The following SPOCK3 variants were observed in gnomAD, a reference collection of about 807,000 sequenced individuals.
The protein encoded by SPOCK3 is testican-3.
SPOCK3 carries 30 observed loss-of-function variants against 56.6 expected under a neutral mutation model. That is an observed-to-expected ratio of 0.53 (90% CI 0.40 to 0.72). The LOEUF is 0.72. SPOCK3 is among the 30% of genes least tolerant of loss of function. SPOCK3 has a pLI of 0.00. For synonymous variants in SPOCK3, 196 were observed against 183.3 expected (o/e 1.07, Z -0.56); for missense variants, 527 against 530.0 (o/e 0.99, Z 0.06).
chr4:167,219,597 T>C (rs1735702780), intron 2 of SPOCK3, among the ~76,000 whole-genome samples: 1 of 152,180 alleles, frequency 6.6e-6, no homozygotes, highest in Non-Finnish European at 1.5e-5. Flanking sequence ...AGCTTTTACT[T>C]ATGCTAAGAA....
intron 2 of SPOCK3, among the ~76,000 whole-genome samples, chr4:167,160,018 A>C (rs369861918): frequency 1.3e-5 from 2 of 152,154 alleles, no homozygotes; most frequent in South Asian, 4.1e-4. Flanking sequence ...CCTATTCAAC[A>C]TATTGTTGGA....
At chr4:166,874,536 A>G (rs537556070) in intron 6 of SPOCK3, among the ~76,000 whole-genome samples, 77 of 152,300 alleles carry the variant, frequency 5.1e-4, no homozygotes, top group African/African-American at 1.7e-3. Context: ...CTTTACCTAC[A>G]TTGTAGAAGA....
intron 5 of SPOCK3, among the ~76,000 whole-genome samples, chr4:166,906,885 A>G (rs899238197): frequency 6.6e-6 from 1 of 152,072 alleles, no homozygotes; most frequent in Non-Finnish European, 1.5e-5. Context: ...GCAATTAATA[A>G]CATGGGCTCT....
intron 2 of SPOCK3, among the ~76,000 whole-genome samples, chr4:167,144,396 A>G (rs1425262883): frequency 6.6e-6 from 1 of 151,982 alleles, no homozygotes; most frequent in Non-Finnish European, 1.5e-5. Context: ...AATAATTTCA[A>G]GTGCTTAATG....
At chr4:167,136,234 G>C (rs1186933392) in intron 2 of SPOCK3, among the ~76,000 whole-genome samples, 3 of 151,840 alleles carry the variant, frequency 2.0e-5, no homozygotes, top group Non-Finnish European at 4.4e-5. Flanking sequence ...GAGAACCACT[G>C]TTCTATGGCC....
chr4:167,231,507 A>G (rs1737177395), intron 2 of SPOCK3, among the ~76,000 whole-genome samples: 1 of 152,150 alleles, frequency 6.6e-6, no homozygotes, highest in South Asian at 2.1e-4. Flanking sequence ...ATAAATCATT[A>G]TTTGAGATAT....
chr4:166,813,308 C>T (rs1190245042), intron 6 of SPOCK3, among the ~76,000 whole-genome samples: 1 of 151,928 alleles, frequency 6.6e-6, no homozygotes, highest in African/African-American at 2.4e-5. Flanking sequence ...TCTCACATAA[C>T]ACATCACAGT....
At chr4:166,787,365 C>T (rs1238838147) in intron 7 of SPOCK3, among the ~76,000 whole-genome samples, 2 of 152,098 alleles carry the variant, frequency 1.3e-5, no homozygotes, top group Non-Finnish European at 2.9e-5. Context: ...CATAATATCA[C>T]TATTTTGACA....
chr4:166,778,529 G>T (rs1375324085), intron 7 of SPOCK3, among the ~76,000 whole-genome samples: 1 of 152,108 alleles, frequency 6.6e-6, no homozygotes, highest in African/African-American at 2.4e-5. Flanking sequence ...AGCAGGTATT[G>T]AGAAGAAAAG....
At chr4:167,103,769 C>T (rs1759857267) in intron 2 of SPOCK3, among the ~76,000 whole-genome samples, 1 of 152,134 alleles carries the variant, frequency 6.6e-6, no homozygotes, top group African/African-American at 2.4e-5. Flanking sequence ...GTAGCGGTTA[C>T]CATGGGCCTT....
At chr4:166,750,458 C>T (rs2198735) in intron 8 of SPOCK3, among the ~76,000 whole-genome samples, 120,145 of 152,010 alleles carry the variant, frequency 0.79, 47,722 homozygotes, top group South Asian at 0.82. Flanking sequence ...AAATTCTTAT[C>T]TTATGTGCTT....
At chr4:167,090,694 G>C (rs1758627601) in intron 2 of SPOCK3, among the ~76,000 whole-genome samples, 1 of 151,766 alleles carries the variant, frequency 6.6e-6, no homozygotes, top group Non-Finnish European at 1.5e-5. Context: ...GTAGAGATGG[G>C]GTTTCTCCAT....
At chr4:166,962,865 T>C (rs762047433) in intron 4 of SPOCK3, among the ~76,000 whole-genome samples, 5 of 152,082 alleles carry the variant, frequency 3.3e-5, no homozygotes, top group Non-Finnish European at 7.4e-5. Context: ...AATCCCAGAA[T>C]AATTTTAAAA....
At chr4:167,231,374 T>G (rs1737162716) in intron 2 of SPOCK3, among the ~76,000 whole-genome samples, 1 of 152,032 alleles carries the variant, frequency 6.6e-6, no homozygotes, top group African/African-American at 2.4e-5. Flanking sequence ...TTTCCAAGGC[T>G]TTTGTATAAA....
intron 2 of SPOCK3, among the ~76,000 whole-genome samples, chr4:167,092,862 G>A (rs1421820113): frequency 6.6e-6 from 1 of 150,626 alleles, no homozygotes; most frequent in East Asian, 1.9e-4. Context: ...TTTCCCTGAT[G>A]CAAAATGTGT....
At chr4:166,779,334 G>A (rs1579203255) in intron 7 of SPOCK3, among the ~76,000 whole-genome samples, 1 of 152,126 alleles carries the variant, frequency 6.6e-6, no homozygotes. Context: ...AGGTGATCCA[G>A]TTGTTGGGAT....
chr4:166,982,153 C>T (rs748170685), intron 4 of SPOCK3, among the ~76,000 whole-genome samples: 1 of 152,200 alleles, frequency 6.6e-6, no homozygotes, highest in African/African-American at 2.4e-5. Flanking sequence ...TAACTCCCCT[C>T]TGGCTCCATG....
At chr4:167,109,196 T>C (rs867377987) in intron 2 of SPOCK3, among the ~76,000 whole-genome samples, 2,876 of 78,190 alleles carry the variant, frequency 0.037, 192 homozygotes, top group African/African-American at 0.099. Context: ...ATATTATATA[T>C]TTATATAAAA....
chr4:166,817,578 A>C (rs1744500115), intron 6 of SPOCK3, among the ~76,000 whole-genome samples: 1 of 152,060 alleles, frequency 6.6e-6, no homozygotes, highest in African/African-American at 2.4e-5. Flanking sequence ...ATGCAAACAC[A>C]ATATCCACTG....
Sources: allele counts gnomAD v4.1 joint callset (sites outside exome capture counted in the v4.1 genomes callset), GRCh38; gene constraint gnomAD v4.1.1; transcripts MANE v1.5; gene names NCBI Gene and HGNC (gene_info 2026-07-23, HGNC 2026-07-21).